The following DNAI4 variants were observed in gnomAD, a reference collection of about 807,000 sequenced individuals.
DNAI4 encodes the protein dynein axonemal intermediate chain 4.
A neutral mutation model predicts 105.8 loss-of-function variants in DNAI4; 85 were observed. The ratio of observed to expected loss-of-function variants is 0.80; its 90% CI spans 0.67 to 0.96. The LOEUF is 0.96. Ranked by LOEUF, DNAI4 falls within the 40% of genes least tolerant of loss-of-function variation. The pLI is 0.00. For synonymous variants in DNAI4, 352 were observed against 331.5 expected (o/e 1.06, Z -0.67); for missense variants, 1,014 against 1,005.6 (o/e 1.01, Z -0.11).
Position 66,847,535 on chromosome 1 carries a change from T to A in DNAI4, c.1240A>T (p.Asn414Tyr). 6.2e-7 allele frequency: 1 copy of A among 1,613,554 alleles called. No homozygotes were observed. The highest frequency in any genetic ancestry group is 8.5e-7 in the Non-Finnish European group (1 of 1,179,890). Residue 414 changes from asparagine (N) to tyrosine (Y), a missense_variant, in exon 8 of 17, where the codon AAT becomes TAT. Transcript: ENST00000371026. ...LFFMERVLMENIFQPKLAAYR... is the reference protein window; with the variant it reads ...LFFMERVLMEYIFQPKLAAYR... ...GCTGCAAGTTTGGGCTGAAATATATTTTCCATCAGAACCCGTTCCATAAAA... is the reference window on the plus strand; with the variant it reads ...GCTGCAAGTTTGGGCTGAAATATATATTCCATCAGAACCCGTTCCATAAAA...
At chr1:66,914,140 G>A (rs1298243778) in intron 1 of DNAI4, among the ~76,000 whole-genome samples, 2 of 152,046 alleles carry the variant, frequency 1.3e-5, no homozygotes, top group East Asian at 1.9e-4. Flanking sequence ...TAAAAAGTGG[G>A]AAATAAATAA....
intron 8 of DNAI4, 33 bp downstream of exon 8, chr1:66,847,451 C>T (rs1346472321): frequency 1.3e-6 from 2 of 1,592,644 alleles, no homozygotes; most frequent in Non-Finnish European, 1.7e-6. Flanking sequence ...AGCAACTGCA[C>T]CCAGCCTAAA....
Position 66,864,544 on chromosome 1 carries a change from G to A in DNAI4, c.941-2242C>T, listed in dbSNP as rs1267123118. Among the ~76,000 whole-genome samples the A allele has an allele frequency of 2.0e-5, 3 of 152,126 alleles. No homozygotes were observed. The East Asian group carries it at 5.8e-4, about 29-fold the overall frequency. On this transcript the variant is annotated intron_variant, in intron 6 of 16. Coordinates refer to ENST00000371026, the MANE Select transcript of DNAI4 (RefSeq NM_024763.5). The stretch of plus-strand genomic sequence containing the variant: ...TTCAGTTACAGCATCTGCTATAAAA[G>A]AAAAAACATTTAAAAGAGCAAGGTA...
chr1:66,823,243 A>C (rs1250894391), intron 15 of DNAI4, among the ~76,000 whole-genome samples: 19 of 148,314 alleles, frequency 1.3e-4, no homozygotes, highest in African/African-American at 3.9e-4. Context: ...TGAACTCATC[A>C]TTTTTTATGG....
intron 16 of DNAI4, among the ~76,000 whole-genome samples, chr1:66,814,979 C>A (rs1645487366): frequency 6.6e-6 from 1 of 152,200 alleles, no homozygotes; most frequent in Admixed American, 6.5e-5. Context: ...TTAAGCAAGA[C>A]AGTATAGTGA....
In DNAI4 at chr1:66,835,193, CAGATAGATAGATAGATAGATAGAT is replaced by C. The variant is rs57056257; in HGVS notation, c.1733+409_1733+432del. ...TCAAGGAACTTATACCCTCCTTAGA[CAGATAGATAGATAGATAGATAGAT>C]AGATAGATAGATAGATAGATAGATA... On this transcript the variant is annotated intron_variant, in intron 11 of 16. Coordinates refer to ENST00000371026, the MANE Select transcript of DNAI4 (RefSeq NM_024763.5). Among the ~76,000 whole-genome samples, 104 of 136,210 alleles carry C rather than the reference CAGATAGATAGATAGATAGATAGAT, an allele frequency of 7.6e-4. 1 individual carries two copies. Among genetic ancestry groups the C allele is most frequent in the African/African-American group, 2.3e-3 (87 of 38,418 alleles). The allele number at this position is 136,210 out of a possible 152,430, so 89.4% of individuals were successfully genotyped here.
At chr1:66,830,431 G>A (rs984348726) in intron 13 of DNAI4, among the ~76,000 whole-genome samples, 2 of 152,084 alleles carry the variant, frequency 1.3e-5, no homozygotes, top group Non-Finnish European at 2.9e-5. Context: ...CTTGAGCCCA[G>A]GAGTTTGACA....
chr1:66,827,964 TA>T, intron 13 of DNAI4, 54 bp from the exon 14 acceptor site: 1 of 1,122,340 alleles, frequency 8.9e-7, no homozygotes, highest in Non-Finnish European at 1.3e-6. Context: ...GTAAGTGTGA[TA>T]AATAGAAGAT....
chr1:66,843,659 A>G (rs1646203122), intron 8 of DNAI4, among the ~76,000 whole-genome samples: 1 of 152,066 alleles, frequency 6.6e-6, no homozygotes, highest in South Asian at 2.1e-4. Context: ...GGAGTTTTAT[A>G]GTTTTGCATT....
chr1:66,863,348 C>A (rs1025507642), intron 6 of DNAI4, among the ~76,000 whole-genome samples: 1 of 152,086 alleles, frequency 6.6e-6, no homozygotes, highest in African/African-American at 2.4e-5. Flanking sequence ...ATAAATGCAG[C>A]CTCTTAATTG....
intron 15 of DNAI4, among the ~76,000 whole-genome samples, chr1:66,826,304 G>GTTTTTTTTTTTTTTTTTTTT (rs1645752317): frequency 7.3e-5 from 11 of 150,768 alleles, no homozygotes; most frequent in African/African-American, 2.7e-4. Context: ...ACTTTCTTTA[G>GTTTTTTTTTTTTTTTTTTTT]TCTTTTTTTT....
rs1353957593 is a variant in DNAI4, at chr1:66,814,271, T to G, written c.2497-91A>C. On this transcript the variant is annotated intron_variant, in intron 16 of 16. Coordinates refer to ENST00000371026, the MANE Select transcript of DNAI4 (RefSeq NM_024763.5). ...AAAATGCCATTTAAAATTTATAAGT[T>G]AGTGATACACATATCCAATAAGATT... 17 of 923,196 alleles carry G rather than the reference T, an allele frequency of 1.8e-5. 1 individual carries two copies. In the Admixed American group the frequency reaches 2.8e-4, roughly 15 times the overall value. 57.2% of individuals were successfully genotyped at this position (923,196 alleles called of 1,614,324 possible).
intron 4 of DNAI4, among the ~76,000 whole-genome samples, chr1:66,878,826 G>A (rs1293207501): frequency 6.6e-6 from 1 of 152,036 alleles, no homozygotes; most frequent in Non-Finnish European, 1.5e-5. Context: ...ATACCCCCAT[G>A]GGAAGTGACT....
rs1163346122 is a variant in DNAI4 at position 66,905,191 on chromosome 1, A to G, written c.345+10T>C. The G allele has an allele frequency of 2.7e-6, 4 of 1,464,614 alleles. No individual in the cohort carries two copies. In the Admixed American group the frequency reaches 6.3e-5, roughly 23 times the overall value. The allele number at this position is 1,464,614 out of a possible 1,614,324, so 90.7% of individuals were successfully genotyped here. On this transcript the variant is annotated intron_variant, in intron 2 of 16. Coordinates refer to ENST00000371026, the MANE Select transcript of DNAI4 (RefSeq NM_024763.5). Reference sequence around the variant, plus strand: ...ATTTTCAAATAAACTCAGAATTCTAAGAATATTACCTGTGTTGTCTTTATA... The same window carrying G: ...ATTTTCAAATAAACTCAGAATTCTAGGAATATTACCTGTGTTGTCTTTATA...
rs1645462147 is a variant in DNAI4 at position 66,814,016 on chromosome 1, T to G, written c.*114A>C. 25 of 617,084 alleles carry G rather than the reference T, an allele frequency of 4.1e-5. No individual in the cohort carries two copies. In the East Asian group the frequency reaches 7.9e-4, roughly 20 times the overall value. The allele number at this position is 617,084 out of a possible 1,614,324, so 38.2% of individuals were successfully genotyped here. A position where few individuals can be genotyped will look rare whatever the true frequency, so the allele number is the denominator to read the frequency against. On this transcript the variant is annotated 3_prime_UTR_variant, in exon 17 of 17. Coordinates refer to ENST00000371026, the MANE Select transcript of DNAI4 (RefSeq NM_024763.5). ...TTAAATTTAAATTAAGTGGAAGTTA[T>G]ACATCAAATATTGTTTTCTGAAATC...
intron 7 of DNAI4, among the ~76,000 whole-genome samples, chr1:66,849,297 C>G (rs1646344404): frequency 7.0e-6 from 1 of 142,358 alleles, no homozygotes; most frequent in Non-Finnish European, 1.5e-5. Context: ...ACCAGAGCTC[C>G]TATCACTGCC....
intron 15 of DNAI4, among the ~76,000 whole-genome samples, chr1:66,823,477 T>A (rs1193143346): frequency 6.7e-6 from 1 of 149,528 alleles, no homozygotes; most frequent in Non-Finnish European, 1.5e-5. Context: ...CCCTGAGGAA[T>A]CGCCACACTG....
intron 4 of DNAI4, among the ~76,000 whole-genome samples, chr1:66,880,994 C>T (rs1484007711): frequency 6.6e-6 from 1 of 152,228 alleles, no homozygotes; most frequent in Non-Finnish European, 1.5e-5. Context: ...ACAGCTCAAG[C>T]TATGGCTTCA....
At chr1:66,911,001 A>T (rs1178423968) in intron 1 of DNAI4, among the ~76,000 whole-genome samples, 2 of 152,182 alleles carry the variant, frequency 1.3e-5, no homozygotes, top group African/African-American at 4.8e-5. Flanking sequence ...CTCCAATTCA[A>T]TTCCAGCACT....
Sources: allele counts gnomAD v4.1 joint callset (sites outside exome capture counted in the v4.1 genomes callset), GRCh38; gene constraint gnomAD v4.1.1; transcripts MANE v1.5; gene names NCBI Gene and HGNC (gene_info 2026-07-23, HGNC 2026-07-21).